Variants in PDE10A observed in about 807,000 individuals in gnomAD.
The protein encoded by PDE10A is cAMP and cAMP-inhibited cGMP 3',5'-cyclic phosphodiesterase 10A.
A neutral mutation model predicts 97.7 loss-of-function variants in PDE10A; 39 were observed. The observed-to-expected ratio is 0.40, with a 90% CI of 0.31 to 0.52. The LOEUF is 0.52. Among genes scored for constraint, PDE10A ranks in the 20% least tolerant of loss-of-function variants. PDE10A has a pLI of 0.56. For missense variants in PDE10A, 731 were observed against 1,047.8 expected, an observed-to-expected ratio of 0.70 and a Z score of 4.17; for synonymous variants, 371 against 376.8, an observed-to-expected ratio of 0.98 and a Z score of 0.18.
chr6:165,757,121 C>A (rs1403754148), intron 1 of PDE10A, among the ~76,000 whole-genome samples: 1 of 152,156 alleles, frequency 6.6e-6, no homozygotes, highest in Admixed American at 6.5e-5. Context: ...CACCCACCAC[C>A]ACATCCGGCT....
intron 1 of PDE10A, among the ~76,000 whole-genome samples, chr6:165,950,880 G>A (rs142903535): frequency 2.4e-3 from 373 of 152,276 alleles, no homozygotes; most frequent in Admixed American, 6.0e-3. Context: ...TGTAAAACTG[G>A]GGTACACGTT....
chr6:165,469,221 T>C lies in PDE10A; in HGVS notation c.1023+13094A>G, dbSNP rs1322705247. On this transcript the variant is annotated intron_variant, in intron 3 of 21. Transcript: ENST00000539869. ...AACGGTTCGCGTCTGTAATCTGTTG[T>C]TAAGATTATGGGTTTTGCCTTAAGT... is the stretch of plus-strand genomic sequence containing the variant. 2.0e-5 allele frequency among the ~76,000 whole-genome samples: 3 copies of C among 152,300 alleles called. No individual in the cohort carries two copies. The East Asian group carries it at 5.8e-4, about 29-fold the overall frequency.
At chr6:165,504,184 T>G (rs1478463363) in intron 2 of PDE10A, among the ~76,000 whole-genome samples, 1 of 152,130 alleles carries the variant, frequency 6.6e-6, no homozygotes, top group East Asian at 1.9e-4. Context: ...GAGGAAGAAT[T>G]TTTTTAGAAT....
intron 1 of PDE10A, among the ~76,000 whole-genome samples, chr6:165,699,459 A>T (rs1791517117): frequency 6.6e-6 from 1 of 152,214 alleles, no homozygotes; most frequent in Non-Finnish European, 1.5e-5. Context: ...ATCAACAGGG[A>T]AATAGAAGAC....
At chr6:165,491,296 G>A (rs927617924) in intron 2 of PDE10A, among the ~76,000 whole-genome samples, 1 of 152,140 alleles carries the variant, frequency 6.6e-6, no homozygotes, top group African/African-American at 2.4e-5. Context: ...CAGTAATAGT[G>A]GGGGACTTCA....
At chr6:165,639,738 CAAA>C (rs35358593) in intron 1 of PDE10A, among the ~76,000 whole-genome samples, 13 of 102,554 alleles carry the variant, frequency 1.3e-4, no homozygotes, top group Admixed American at 1.1e-4. Context: ...GACTCTGTCC[CAAA>C]AAAAAAAAAA....
At chr6:165,881,818 A>G (rs534634247) in intron 1 of PDE10A, among the ~76,000 whole-genome samples, 1 of 152,282 alleles carries the variant, frequency 6.6e-6, no homozygotes, top group East Asian at 1.9e-4. Context: ...TCTCACTCCG[A>G]CAATTCAACT....
At chr6:165,368,801 C>T (rs907531748) in intron 18 of PDE10A, among the ~76,000 whole-genome samples, 12 of 152,322 alleles carry the variant, frequency 7.9e-5, no homozygotes, top group African/African-American at 2.9e-4. Flanking sequence ...CCCCTGACCC[C>T]TGAGCAGCCT....
At chr6:165,447,956 A>T (rs1371773254) in intron 5 of PDE10A, among the ~76,000 whole-genome samples, 3 of 152,168 alleles carry the variant, frequency 2.0e-5, no homozygotes, top group East Asian at 3.9e-4. Context: ...CAGCCAATAA[A>T]TATTTTTGTG....
intron 1 of PDE10A, among the ~76,000 whole-genome samples, chr6:165,637,505 G>A (rs1232865731): frequency 2.0e-5 from 3 of 152,110 alleles, no homozygotes; most frequent in Non-Finnish European, 4.4e-5. Context: ...TTTCACATTT[G>A]GCATGGAAAA....
intron 18 of PDE10A, among the ~76,000 whole-genome samples, chr6:165,345,095 T>C (rs369037967): frequency 6.6e-6 from 1 of 152,226 alleles, no homozygotes; most frequent in African/African-American, 2.4e-5. Context: ...TTACAAATAT[T>C]TCATATGTTT....
At chr6:165,624,221 C>A (rs1788279681) in intron 1 of PDE10A, among the ~76,000 whole-genome samples, 1 of 152,212 alleles carries the variant, frequency 6.6e-6, no homozygotes, top group Non-Finnish European at 1.5e-5. Context: ...GGCTGGCTCT[C>A]CTGGGCTGGC....
chr6:165,702,839 C>T (rs777700955), intron 1 of PDE10A, among the ~76,000 whole-genome samples: 3 of 152,168 alleles, frequency 2.0e-5, no homozygotes, highest in South Asian at 4.1e-4. Flanking sequence ...ACTAGAACCA[C>T]GTGAATGTGA....
intron 1 of PDE10A, among the ~76,000 whole-genome samples, chr6:165,971,769 T>A (rs931258613): frequency 1.3e-5 from 2 of 152,186 alleles, no homozygotes; most frequent in African/African-American, 4.8e-5. Context: ...TTCCAGACAT[T>A]TCCAAAGATA....
intron 10 of PDE10A, among the ~76,000 whole-genome samples, chr6:165,419,761 T>A (rs1057511581): frequency 3.9e-5 from 6 of 152,190 alleles, no homozygotes; most frequent in African/African-American, 1.4e-4. Context: ...ATCATAGCCA[T>A]GAAATTATTC....
At chr6:165,519,606 CT>C (rs1484849162) in intron 2 of PDE10A, among the ~76,000 whole-genome samples, 1 of 152,092 alleles carries the variant, frequency 6.6e-6, no homozygotes, top group Admixed American at 6.5e-5. Flanking sequence ...AACTATTTGC[CT>C]TGCCTTGCTT....
intron 13 of PDE10A, among the ~76,000 whole-genome samples, chr6:165,408,582 C>T (rs1285114945): frequency 6.6e-6 from 1 of 152,112 alleles, no homozygotes; most frequent in African/African-American, 2.4e-5. Context: ...TTGAAACCAG[C>T]ATACATTTGG....
At chr6:165,497,814 A>G (rs1780627262) in intron 2 of PDE10A, among the ~76,000 whole-genome samples, 2 of 152,210 alleles carry the variant, frequency 1.3e-5, no homozygotes, top group African/African-American at 2.4e-5. Context: ...CTGATGCTTT[A>G]AGAGCTGTTG....
intron 1 of PDE10A, among the ~76,000 whole-genome samples, chr6:165,568,366 T>A (rs1784895813): frequency 6.6e-6 from 1 of 152,138 alleles, no homozygotes; most frequent in Non-Finnish European, 1.5e-5. Flanking sequence ...TTTCTGCAGT[T>A]TCAGTTAATC....
Sources: gnomAD v4.1 joint callset for allele counts (sites outside exome capture counted in the v4.1 genomes callset) on GRCh38, gnomAD v4.1.1 for gene constraint, MANE v1.5 for transcripts, NCBI Gene and HGNC (gene_info 2026-07-23, HGNC 2026-07-21) for gene names.